The following MCHR2 variants were observed in gnomAD, a reference collection of about 807,000 sequenced individuals.
MCHR2 encodes melanin-concentrating hormone receptor 2.
Under a neutral mutation model 24.8 loss-of-function variants are expected in MCHR2, and 15 were observed. That is an observed-to-expected ratio of 0.60 (90% CI 0.40 to 0.93). The LOEUF is 0.93. Among genes scored for constraint, MCHR2 ranks in the 40% least tolerant of loss-of-function variants. MCHR2 has a pLI of 0.00. For missense variants in MCHR2, 386 were observed against 408.7 expected, an observed-to-expected ratio of 0.94 and a Z score of 0.48; for synonymous variants, 151 against 147.6, an observed-to-expected ratio of 1.02 and a Z score of -0.17.
chr6:99,955,986 G>C lies in MCHR2; in HGVS notation c.162C>G (p.Leu54=). ...CTTACCTTATTATAGTGAATACAAT[G>C]AGGATGTTGCCAACCAGCCCTGTTG... The part of the protein sequence containing the change: ...ICSTGLVGNI[L]IVFTIIRSRK... Residue 54 remains leucine (L), a synonymous_variant, in exon 2 of 6, where the codon CTC becomes CTG. Transcript: ENST00000281806. 1 of 1,604,874 alleles carries C rather than the reference G, an allele frequency of 6.2e-7. No individual in the cohort carries two copies. Among genetic ancestry groups the C allele is most frequent in the Non-Finnish European group, 8.5e-7 (1 of 1,176,610 alleles).
At chr6:99,941,913 C>T (rs1203750569) in intron 4 of MCHR2, among the ~76,000 whole-genome samples, 1 of 151,960 alleles carries the variant, frequency 6.6e-6, no homozygotes, top group Non-Finnish European at 1.5e-5. Flanking sequence ...GCTGTGTCCA[C>T]ATAATGCAGA....
chr6:99,987,413 A>AT (rs1052520563), intron 1 of MCHR2, among the ~76,000 whole-genome samples: 3 of 151,990 alleles, frequency 2.0e-5, no homozygotes, highest in Non-Finnish European at 4.4e-5. Context: ...ATGTAATTAA[A>AT]TTTTTTCACA....
At chr6:99,962,882 A>C (rs543758387) in intron 1 of MCHR2, among the ~76,000 whole-genome samples, 1 of 152,250 alleles carries the variant, frequency 6.6e-6, no homozygotes, top group South Asian at 2.1e-4. Flanking sequence ...AGGAACTCCT[A>C]TAACTTAATA....
intron 2 of MCHR2, among the ~76,000 whole-genome samples, chr6:99,952,785 G>A (rs1774989596): frequency 1.3e-5 from 2 of 152,094 alleles, no homozygotes; most frequent in African/African-American, 4.8e-5. Context: ...GCAAGGAAAA[G>A]TGTTAAAATC....
intron 5 of MCHR2, among the ~76,000 whole-genome samples, chr6:99,927,070 C>T (rs993333153): frequency 4.6e-5 from 7 of 152,054 alleles, no homozygotes; most frequent in African/African-American, 7.2e-5. Flanking sequence ...CCAGTTTTCC[C>T]GGCACCATTT....
chr6:99,933,584 G>C (rs961958368), intron 5 of MCHR2, among the ~76,000 whole-genome samples: 1 of 151,992 alleles, frequency 6.6e-6, no homozygotes, highest in Non-Finnish European at 1.5e-5. Flanking sequence ...ACAAACCTTT[G>C]GTTCAAGGGT....
At chr6:99,955,569 A>C (rs1003640143) in intron 2 of MCHR2, among the ~76,000 whole-genome samples, 1 of 152,106 alleles carries the variant, frequency 6.6e-6, no homozygotes, top group Non-Finnish European at 1.5e-5. Context: ...TGGAAAATGA[A>C]ATGTTGCATT....
intron 1 of MCHR2, among the ~76,000 whole-genome samples, chr6:99,971,743 C>T (rs1363281172): frequency 4.6e-5 from 7 of 152,170 alleles, no homozygotes; most frequent in Non-Finnish European, 8.8e-5. Flanking sequence ...CCACCAATAC[C>T]TAATTTATTG....
chr6:99,984,306 A>G (rs1775730114), intron 1 of MCHR2, among the ~76,000 whole-genome samples: 1 of 151,238 alleles, frequency 6.6e-6, no homozygotes, highest in Admixed American at 6.6e-5. Flanking sequence ...CATGTGCACA[A>G]TGTGCAGGTT....
At chr6:99,978,073 G>C (rs953576377) in intron 1 of MCHR2, among the ~76,000 whole-genome samples, 1 of 152,154 alleles carries the variant, frequency 6.6e-6, no homozygotes, top group African/African-American at 2.4e-5. Context: ...CAAAGGTATA[G>C]AGGAATGCAA....
chr6:99,921,089 T>C lies in MCHR2; in HGVS notation c.874A>G (p.Ile292Val), dbSNP rs751775354. The C allele has an allele frequency of 9.9e-6, 16 of 1,614,040 alleles. No homozygotes were observed. Among genetic ancestry groups the C allele is most frequent in the African/African-American group, 5.3e-5 (4 of 74,936 alleles). ...CTGCTGCTGGCATAGCTGAGACAGA[T>C]GGAGAGGTAATAACCCACATAGAAG... ...LAFYVGYYLSICLSYASSSIN... is the reference protein window; with the variant it reads ...LAFYVGYYLSVCLSYASSSIN... Residue 292 changes from isoleucine (I) to valine (V), a missense_variant, in exon 6 of 6, where the codon ATC becomes GTC. Transcript: ENST00000281806.
At chr6:99,944,556 A>G (rs1468096653) in intron 3 of MCHR2, among the ~76,000 whole-genome samples, 1 of 152,026 alleles carries the variant, frequency 6.6e-6, no homozygotes, top group Admixed American at 6.6e-5. Context: ...GGTTGCAGAG[A>G]GTGGTTTCTG....
intron 5 of MCHR2, among the ~76,000 whole-genome samples, chr6:99,922,354 G>C (rs982787348): frequency 6.1e-4 from 93 of 151,970 alleles, no homozygotes; most frequent in Admixed American, 6.1e-3. Context: ...CGATCCGCCC[G>C]CCTCGGCCAT....
intron 1 of MCHR2, among the ~76,000 whole-genome samples, chr6:99,969,732 T>C (rs1775364959): frequency 1.9e-5 from 2 of 108,066 alleles, no homozygotes; most frequent in Admixed American, 2.6e-4. Context: ...CCCACAACAG[T>C]CCCCAGAGTG....
chr6:99,920,968 A>T lies in MCHR2; in HGVS notation c.995T>A (p.Met332Lys), dbSNP rs1285284805. The T allele has an allele frequency of 6.2e-7, 1 of 1,614,136 alleles. No homozygotes were observed. Among genetic ancestry groups the T allele is most frequent in the Non-Finnish European group, 8.5e-7 (1 of 1,180,006 alleles). The change falls in exon 6 of 6, where the codon ATG becomes AAG. Residue 332 changes from methionine (M) to lysine (K), a missense_variant. Met to Lys is a moderately conservative substitution (Grantham distance 95). Transcript: ENST00000281806. Reference protein sequence around the residue: ...RRATEKEINNMGNTLKSHF With the variant: ...RRATEKEINNKGNTLKSHF ...AAAGTGTGATTTCAGAGTGTTTCCCATATTGTTGATTTCCTTCTCAGTCGC... is the reference window on the plus strand; with the variant it reads ...AAAGTGTGATTTCAGAGTGTTTCCCTTATTGTTGATTTCCTTCTCAGTCGC...
intron 1 of MCHR2, among the ~76,000 whole-genome samples, chr6:99,987,870 G>T (rs1460876599): frequency 6.6e-6 from 1 of 152,066 alleles, no homozygotes; most frequent in East Asian, 1.9e-4. Context: ...GATAAGATTG[G>T]CAGGCCAATA....
chr6:99,975,000 A>G (rs926994123), intron 1 of MCHR2, among the ~76,000 whole-genome samples: 2 of 152,172 alleles, frequency 1.3e-5, no homozygotes, highest in Non-Finnish European at 2.9e-5. Context: ...GGTGCCTCCC[A>G]GTTAGGCTGC....
intron 5 of MCHR2, among the ~76,000 whole-genome samples, chr6:99,926,076 C>T (rs1394427869): frequency 1.3e-5 from 2 of 151,680 alleles, no homozygotes; most frequent in African/African-American, 2.4e-5. Context: ...TGAGTGAGAA[C>T]ATGTGGTGTT....
At chr6:99,959,009 T>C (rs28360658) in intron 1 of MCHR2, among the ~76,000 whole-genome samples, 24,289 of 151,990 alleles carry the variant, frequency 0.16, 2,084 homozygotes, top group African/African-American at 0.19. Flanking sequence ...CTGACAGAGG[T>C]CAATGCTGCT....
Sources: gnomAD v4.1 joint callset for allele counts (sites outside exome capture counted in the v4.1 genomes callset) on GRCh38, gnomAD v4.1.1 for gene constraint, MANE v1.5 for transcripts, NCBI Gene and HGNC (gene_info 2026-07-23, HGNC 2026-07-21) for gene names.